The following BMP7 variants were observed in gnomAD, a reference collection of about 807,000 sequenced individuals.
BMP7 encodes osteogenic protein 1.
In BMP7, 12 loss-of-function variants were observed where a neutral mutation model predicts 41.2. The ratio of observed to expected loss-of-function variants is 0.29; its 90% CI spans 0.19 to 0.47. BMP7 has a LOEUF of 0.47. Among genes scored for constraint, BMP7 ranks in the 20% least tolerant of loss-of-function variants. The pLI is 0.99. For missense variants in BMP7, 467 were observed against 606.0 expected (o/e 0.77, Z 2.41); for synonymous variants, 248 against 250.0 (o/e 0.99, Z 0.07).
rs189915414 is a variant in BMP7 at position 57,211,934 on chromosome 20, C to T, written c.612-9311G>A. Among the ~76,000 whole-genome samples, 32 of 152,330 alleles carry T rather than the reference C, an allele frequency of 2.1e-4. No individual in the cohort carries two copies. In the East Asian group the frequency reaches 5.4e-3, roughly 26 times the overall value. On this transcript the variant is annotated intron_variant, in intron 2 of 6. Coordinates refer to ENST00000395863, the MANE Select transcript of BMP7 (RefSeq NM_001719.3). Reference sequence around the variant, plus strand: ...GTGTTGTCTTAAGCCACTAAGTTGGCGGTCACTGGGCTCAGCAGCTGGAGG... The same window carrying T: ...GTGTTGTCTTAAGCCACTAAGTTGGTGGTCACTGGGCTCAGCAGCTGGAGG...
At position 57,170,493 on chromosome 20, in the gene BMP7, C is replaced by G. The variant is rs954502925; in HGVS notation, c.*466G>C. ...GAAAATATATCTGTAACGTCCTAACCATTTTCATTCATTCGTTTTATTGTG... is the reference window on the plus strand; with the variant it reads ...GAAAATATATCTGTAACGTCCTAACGATTTTCATTCATTCGTTTTATTGTG... On this transcript the variant is annotated 3_prime_UTR_variant, in exon 7 of 7. Coordinates refer to ENST00000395863, the MANE Select transcript of BMP7 (RefSeq NM_001719.3). The G allele has an allele frequency of 3.8e-6, 1 of 263,676 alleles. No individual in the cohort carries two copies. The allele number at this position is 263,676 out of a possible 1,614,324, so 16.3% of individuals were successfully genotyped here.
chr20:57,254,971 C>G (rs1023483804), intron 1 of BMP7, among the ~76,000 whole-genome samples: 1 of 152,160 alleles, frequency 6.6e-6, no homozygotes, highest in South Asian at 2.1e-4. Flanking sequence ...GGCCCTATGC[C>G]CTGACAATTA....
rs369886884 is a variant in BMP7 at position 57,174,896 on chromosome 20, G to A, written c.1035+35C>T. ...GCCTCGTGGGAGCCCACGCCAGAGG[G>A]CCCACACCCAAGACAGACCCAGCCA... On this transcript the variant is annotated intron_variant, in intron 5 of 6. Coordinates refer to ENST00000395863, the MANE Select transcript of BMP7 (RefSeq NM_001719.3). The surrounding 1 kb of genome is among the most constrained non-coding windows in gnomAD (Gnocchi z 4.3). The A allele has an allele frequency of 2.5e-6, 4 of 1,597,926 alleles. No individual in the cohort carries two copies. The highest frequency in any genetic ancestry group is 3.4e-6 in the Non-Finnish European group (4 of 1,173,992).
chr20:57,176,510 C>A (rs1168362322), intron 4 of BMP7, among the ~76,000 whole-genome samples: 2 of 152,014 alleles, frequency 1.3e-5, no homozygotes, highest in Non-Finnish European at 2.9e-5. Flanking sequence ...AGGTGTAGAC[C>A]CTGGAGCACA....
chr20:57,236,093 C>T (rs1415036780), intron 1 of BMP7, among the ~76,000 whole-genome samples: 1 of 152,192 alleles, frequency 6.6e-6, no homozygotes, highest in Non-Finnish European at 1.5e-5. Flanking sequence ...AATTCTGGCA[C>T]CCAGGCAGCC....
At chr20:57,176,750 T>A (rs77860851) in intron 4 of BMP7, among the ~76,000 whole-genome samples, 4,192 of 135,542 alleles carry the variant, frequency 0.031, 128 homozygotes, top group Non-Finnish European at 0.043. Flanking sequence ...CATTCTCCAT[T>A]CACACACACA....
intron 3 of BMP7, among the ~76,000 whole-genome samples, chr20:57,190,920 A>G (rs1984341864): frequency 6.6e-6 from 1 of 152,166 alleles, no homozygotes. Context: ...TGCCTCGGGC[A>G]TGGTGGGATG....
rs61061419 is a variant in BMP7 at position 57,185,565 on chromosome 20, C to T, written c.761-1646G>A. ...GAGGGTGGAAGACAAAATGCAGTTT[C>T]GTTTAGCAGATATTGTATGAAATCC... is the stretch of plus-strand genomic sequence containing the variant. On this transcript the variant is annotated intron_variant, in intron 3 of 6. Transcript: ENST00000395863. 6.7e-3 allele frequency among the ~76,000 whole-genome samples: 1,018 copies of T among 152,342 alleles called. 24 individuals are homozygous for T. The highest frequency in any genetic ancestry group is 0.049 in the East Asian group (256 of 5,190).
At position 57,250,025 on chromosome 20, in the gene BMP7, C is replaced by G. The variant is rs529020771; in HGVS notation, c.418+15680G>C. On this transcript the variant is annotated intron_variant, in intron 1 of 6. Coordinates refer to ENST00000395863, the MANE Select transcript of BMP7 (RefSeq NM_001719.3). ...CCAAAGACAGACAGACTTGCCATCC[C>G]CAAAGCTCGGCGAGTAATTTGTCAT... Among the ~76,000 whole-genome samples, 4 of 152,276 alleles carry G rather than the reference C, an allele frequency of 2.6e-5. No homozygotes were observed. The East Asian group carries it at 7.7e-4, about 29-fold the overall frequency.
intron 3 of BMP7, among the ~76,000 whole-genome samples, chr20:57,188,149 C>T (rs1984262786): frequency 6.6e-6 from 1 of 152,094 alleles, no homozygotes; most frequent in African/African-American, 2.4e-5. Flanking sequence ...AACTTGTACA[C>T]AAGAGTTGGC....
rs1983818585 is a variant in BMP7 at position 57,171,598 on chromosome 20, A to G, written c.1147-490T>C. ...AGACAATAGGGAATAGTGGGGACTA[A>G]GGCAAACTAAGGGAAGAGGCCGCCA... is the stretch of plus-strand genomic sequence containing the variant. On this transcript the variant is annotated intron_variant, in intron 6 of 6. Transcript: ENST00000395863. The surrounding 1 kb of genome is among the most constrained non-coding windows in gnomAD (Gnocchi z 4.5). 6.6e-6 allele frequency among the ~76,000 whole-genome samples: 1 copy of G among 152,196 alleles called. No individual in the cohort carries two copies. Among genetic ancestry groups the G allele is most frequent in the African/African-American group, 2.4e-5 (1 of 41,452 alleles).
At chr20:57,186,733 A>T (rs1212825347) in intron 3 of BMP7, among the ~76,000 whole-genome samples, 1 of 152,190 alleles carries the variant, frequency 6.6e-6, no homozygotes, top group East Asian at 1.9e-4. Context: ...GGAGTCCCCC[A>T]GACGGGCCAG....
In BMP7 at chr20:57,194,376, G is replaced by A. The variant is rs977927543; in HGVS notation, c.760+8099C>T. Among the ~76,000 whole-genome samples, 7 of 152,118 alleles carry A rather than the reference G, an allele frequency of 4.6e-5. 1 individual carries two copies. Among genetic ancestry groups the A allele is most frequent in the Admixed American group, 2.6e-4 (4 of 15,284 alleles). On this transcript the variant is annotated intron_variant, in intron 3 of 6. Transcript: ENST00000395863. The stretch of plus-strand genomic sequence containing the variant: ...AATAAAACTTTATTGGAACACAGTC[G>A]ATGCACAGTCAGGAACGCATGATCT...
At chr20:57,240,867 G>T (rs111916728) in intron 1 of BMP7, among the ~76,000 whole-genome samples, 3 of 152,174 alleles carry the variant, frequency 2.0e-5, no homozygotes, top group Non-Finnish European at 4.4e-5. Flanking sequence ...CCCACAACAC[G>T]TGGGAATTCT....
chr20:57,263,064 G>C (rs2066160063), intron 1 of BMP7, among the ~76,000 whole-genome samples: 1 of 152,180 alleles, frequency 6.6e-6, no homozygotes. Flanking sequence ...GCCAACATTA[G>C]AAGCATCTAC....
chr20:57,227,240 T>C (rs1482021524), intron 2 of BMP7, among the ~76,000 whole-genome samples: 1 of 152,206 alleles, frequency 6.6e-6, no homozygotes, highest in Non-Finnish European at 1.5e-5. Flanking sequence ...ATTCTTTGGC[T>C]TCAGGTCACT....
In BMP7 at chr20:57,170,919, A is replaced by C. The variant is rs1460024462; in HGVS notation, c.*40T>G. On this transcript the variant is annotated 3_prime_UTR_variant, in exon 7 of 7. Coordinates refer to ENST00000395863, the MANE Select transcript of BMP7 (RefSeq NM_001719.3). The stretch of plus-strand genomic sequence containing the variant: ...GGCCAAGGCGAGCAATGGAGGATCC[A>C]GAAAAACTTGGCCCCAAAGGGTCTG... 1 of 1,609,762 alleles carries C rather than the reference A, an allele frequency of 6.2e-7. No homozygotes were observed. The highest frequency in any genetic ancestry group is 8.5e-7 in the Non-Finnish European group (1 of 1,179,370).
At chr20:57,201,133 A>C (rs1984609479) in intron 3 of BMP7, among the ~76,000 whole-genome samples, 1 of 152,248 alleles carries the variant, frequency 6.6e-6, no homozygotes, top group Non-Finnish European at 1.5e-5. Flanking sequence ...CTGAGTCAGA[A>C]TCTGCATTTT....
chr20:57,201,633 G>A (rs1984623166), intron 3 of BMP7, among the ~76,000 whole-genome samples: 1 of 152,220 alleles, frequency 6.6e-6, no homozygotes, highest in Non-Finnish European at 1.5e-5. Flanking sequence ...CATTGTGAAG[G>A]TGTTTATTCA....
Sources: allele counts gnomAD v4.1 joint callset (sites outside exome capture counted in the v4.1 genomes callset), GRCh38; gene constraint gnomAD v4.1.1; non-coding constraint Gnocchi (gnomAD v3.1); transcripts MANE v1.5; gene names NCBI Gene and HGNC (gene_info 2026-07-23, HGNC 2026-07-21).